Variants in APOH observed in about 807,000 individuals in gnomAD.
APOH encodes the protein apolipoprotein H.
Under a neutral mutation model 39.8 loss-of-function variants are expected in APOH, and 48 were observed. The ratio of observed to expected loss-of-function variants is 1.21; its 90% CI spans 0.96 to 1.54. APOH has a LOEUF of 1.54. Among genes scored for constraint, APOH ranks in the 40% most tolerant of loss-of-function variants. The probability of loss-of-function intolerance (pLI) is 0.00; values close to 1 mark genes in which losing one functional copy is unlikely to be tolerated. For synonymous variants in APOH, 153 were observed against 151.1 expected (o/e 1.01, Z -0.09); for missense variants, 415 against 421.2 (o/e 0.99, Z 0.13).
At chr17:66,220,527 C>G (rs779505216) in intron 5 of APOH, 27 bp downstream of exon 5, 17 of 1,603,104 alleles carry the variant, frequency 1.1e-5, no homozygotes, top group Non-Finnish European at 1.5e-5. Context: ...CCCTACCATG[C>G]GTATTTTGTC....
chr17:66,214,781 A>G, intron 6 of APOH, 131 bp from the exon 7 acceptor site: 1 of 714,200 alleles, frequency 1.4e-6, no homozygotes, highest in South Asian at 1.6e-5. Context: ...CCAAGAATAT[A>G]TATAGTAAGT....
intron 7 of APOH, among the ~76,000 whole-genome samples, chr17:66,213,931 G>A (rs1396263875): frequency 1.3e-5 from 2 of 150,430 alleles, no homozygotes; most frequent in Non-Finnish European, 3.0e-5. Flanking sequence ...GTGAGACCTT[G>A]TCTCAAAAAA....
chr17:66,224,692 G>A (rs972696735), intron 3 of APOH, among the ~76,000 whole-genome samples: 1 of 51,118 alleles, frequency 2.0e-5, no homozygotes, highest in African/African-American at 7.6e-5. Context: ...GGAAGGGAAG[G>A]GAAAGGAAAG....
chr17:66,224,707 G>T (rs1404183492), intron 3 of APOH, among the ~76,000 whole-genome samples: 5 of 88,544 alleles, frequency 5.6e-5, no homozygotes, highest in African/African-American at 1.8e-4. Flanking sequence ...GGAAAGGAAA[G>T]GAAAGGAAAG....
intron 1 of APOH, chr17:66,228,477 A>G (rs1020402627): frequency 2.0e-5 from 7 of 347,040 alleles, no homozygotes; most frequent in Non-Finnish European, 3.7e-5. Flanking sequence ...ATCAGTATCA[A>G]TCCAGTCCCT....
intron 1 of APOH, among the ~76,000 whole-genome samples, chr17:66,228,908 C>T (rs966299179): frequency 6.6e-6 from 1 of 151,892 alleles, no homozygotes; most frequent in African/African-American, 2.4e-5. Context: ...CCTCGGCTCA[C>T]TGCAACCTCT....
At chr17:66,226,845 A>C (rs8178905) in intron 2 of APOH, among the ~76,000 whole-genome samples, 1 of 151,936 alleles carries the variant, frequency 6.6e-6, no homozygotes, top group East Asian at 1.9e-4. Context: ...AAAAAATGAA[A>C]TTTTTAGTGT....
intron 5 of APOH, among the ~76,000 whole-genome samples, chr17:66,218,692 T>C (rs972382745): frequency 5.9e-5 from 9 of 152,102 alleles, no homozygotes; most frequent in African/African-American, 2.2e-4. Context: ...AAAATGTCAA[T>C]GAAAGACAAC....
intron 4 of APOH, among the ~76,000 whole-genome samples, chr17:66,221,969 C>T (rs1216438215): frequency 6.6e-6 from 1 of 152,186 alleles, no homozygotes; most frequent in African/African-American, 2.4e-5. Flanking sequence ...ACTGCAGGTG[C>T]CTGAATCAGA....
Position 66,220,694 on chromosome 17 carries a change from ACACGAAGTG to A in APOH, c.455_463del (p.Thr152_Val155delinsIle). 1 of 1,614,164 alleles carries A rather than the reference ACACGAAGTG, an allele frequency of 6.2e-7. No homozygotes were observed. Among genetic ancestry groups the A allele is most frequent in the East Asian group, 2.2e-5 (1 of 44,884 alleles). On this transcript the variant is annotated inframe_deletion, in exon 5 of 8. Coordinates refer to ENST00000205948, the MANE Select transcript of APOH (RefSeq NM_000042.3). ...ATTGTTTCCAGCTGATGGCTTATAA[ACACGAAGTG>A]TTGCAAACGTAGGTATGGATGGTGG...
Position 66,229,305 on chromosome 17 carries a change from A to C in APOH, c.64+11T>G, listed in dbSNP as rs2073460109. 1 of 1,611,564 alleles carries C rather than the reference A, an allele frequency of 6.2e-7. No homozygotes were observed. The highest frequency in any genetic ancestry group is 1.1e-5 in the South Asian group (1 of 90,776). On this transcript the variant is annotated intron_variant, in intron 1 of 7. Transcript: ENST00000205948. ...ATATTAATTATTTTTTCAAAAGCAA[A>C]AAGTACTTACTCCGTCCTGCAATAG...
At chr17:66,224,703 GA>G (rs2073427571) in intron 3 of APOH, among the ~76,000 whole-genome samples, 1 of 77,358 alleles carries the variant, frequency 1.3e-5, no homozygotes, top group African/African-American at 5.3e-5. Context: ...GAAAGGAAAG[GA>G]AAGGAAAGGA....
In APOH at chr17:66,219,397, C is replaced by T. The variant is rs529207742; in HGVS notation, c.604+1157G>A. 4.6e-5 allele frequency among the ~76,000 whole-genome samples: 7 copies of T among 151,700 alleles called. No homozygotes were observed. In the South Asian group the frequency reaches 1.5e-3, roughly 32 times the overall value. On this transcript the variant is annotated intron_variant, in intron 5 of 7. Transcript: ENST00000205948. ...TGTTACAACATATTAACAGTTGATA[C>T]GTCTAGGTGAAATTGAAAAAAAAAG...
chr17:66,226,262 G>T, intron 2 of APOH, 138 bp from the exon 3 acceptor site: 1 of 635,060 alleles, frequency 1.6e-6, no homozygotes, highest in Admixed American at 3.0e-5. Context: ...AACTTTACTG[G>T]TAACTATTCT....
rs1233203452 is a variant in APOH at position 66,228,121 on chromosome 17, A to G, written c.140T>C (p.Ile47Thr). The change falls in exon 2 of 8, where the codon ATT becomes ACT. Residue 47 changes from isoleucine to threonine, a missense_variant. Ile to Thr is a moderately conservative substitution (Grantham distance 89). Coordinates refer to ENST00000205948, the MANE Select transcript of APOH (RefSeq NM_000042.3). ...ATAGCCCGGCTTGCAGGAATACGTAATCTCTTCTCCTGGCTCATAGAATGT... is the reference window on the plus strand; with the variant it reads ...ATAGCCCGGCTTGCAGGAATACGTAGTCTCTTCTCCTGGCTCATAGAATGT... ...LKTFYEPGEE[I>T]TYSCKPGYVS... 1.2e-6 allele frequency: 2 copies of G among 1,614,122 alleles called. No individual in the cohort carries two copies. Among genetic ancestry groups the G allele is most frequent in the Non-Finnish European group, 8.5e-7 (1 of 1,180,014 alleles).
intron 4 of APOH, among the ~76,000 whole-genome samples, chr17:66,221,658 G>T (rs939314949): frequency 6.6e-6 from 1 of 152,092 alleles, no homozygotes; most frequent in Non-Finnish European, 1.5e-5. Context: ...GTTTGGGAAT[G>T]AGTTCCATTA....
At chr17:66,222,822 C>A (rs113260804) in intron 4 of APOH, among the ~76,000 whole-genome samples, 11 of 152,252 alleles carry the variant, frequency 7.2e-5, no homozygotes, top group African/African-American at 2.2e-4. Context: ...CCACCCTCCT[C>A]GGACTCCCAA....
intron 3 of APOH, among the ~76,000 whole-genome samples, chr17:66,224,487 A>G (rs938006011): frequency 5.8e-4 from 53 of 90,636 alleles, no homozygotes; most frequent in South Asian, 1.5e-3. Flanking sequence ...AAAAAAAAAA[A>G]AAAAGAAAAG....
At chr17:66,221,833 T>C (rs1449490767) in intron 4 of APOH, among the ~76,000 whole-genome samples, 1 of 152,144 alleles carries the variant, frequency 6.6e-6, no homozygotes, top group Admixed American at 6.5e-5. Context: ...AAGAAGATAG[T>C]GCTGACCAAA....
Sources: gnomAD v4.1 joint callset for allele counts (sites outside exome capture counted in the v4.1 genomes callset) on GRCh38, gnomAD v4.1.1 for gene constraint, MANE v1.5 for transcripts, NCBI Gene and HGNC (gene_info 2026-07-23, HGNC 2026-07-21) for gene names.